Variants in TRPM2 observed in about 807,000 individuals in gnomAD.
TRPM2 encodes estrogen-responsive element-associated gene 1 protein.
A neutral mutation model predicts 174.0 loss-of-function variants in TRPM2; 161 were observed. That is an observed-to-expected ratio of 0.93 (90% CI 0.81 to 1.05). TRPM2 has a LOEUF of 1.05. Ranked by LOEUF, TRPM2 falls within the 50% of genes least tolerant of loss-of-function variation. TRPM2 has a pLI of 0.00. For missense variants in TRPM2, 2,057 were observed against 2,038.0 expected, an observed-to-expected ratio of 1.01 and a Z score of -0.18; for synonymous variants, 954 against 861.3, an observed-to-expected ratio of 1.11 and a Z score of -1.88.
intron 27 of TRPM2, among the ~76,000 whole-genome samples, chr21:44,431,856 C>T (rs1330673443): frequency 2.6e-5 from 4 of 152,156 alleles, no homozygotes; most frequent in Non-Finnish European, 5.9e-5. Flanking sequence ...ATTGGCAACA[C>T]GCTGATTCTT....
chr21:44,368,577 G>A (rs1372061718), intron 4 of TRPM2, among the ~76,000 whole-genome samples: 1 of 151,926 alleles, frequency 6.6e-6, no homozygotes, highest in Non-Finnish European at 1.5e-5. Flanking sequence ...GACTGCAGGC[G>A]TGTGCTACCA....
intron 27 of TRPM2, among the ~76,000 whole-genome samples, chr21:44,434,674 G>A (rs1345077514): frequency 6.6e-6 from 1 of 152,066 alleles, no homozygotes; most frequent in Non-Finnish European, 1.5e-5. Context: ...GGTCTGTGTG[G>A]CCTATCATCT....
intron 2 of TRPM2, among the ~76,000 whole-genome samples, chr21:44,359,105 G>T (rs927693689): frequency 2.6e-5 from 4 of 152,082 alleles, no homozygotes; most frequent in Non-Finnish European, 4.4e-5. Flanking sequence ...ACAGTGTGCT[G>T]ATTGGTCCAT....
At chr21:44,434,165 G>C (rs1035696130) in intron 27 of TRPM2, among the ~76,000 whole-genome samples, 1 of 152,196 alleles carries the variant, frequency 6.6e-6, no homozygotes, top group African/African-American at 2.4e-5. Context: ...GCTCTGATGG[G>C]GTCTGGAGGT....
intron 2 of TRPM2, among the ~76,000 whole-genome samples, chr21:44,363,040 G>A (rs2048262816): frequency 6.6e-6 from 1 of 152,210 alleles, no homozygotes; most frequent in Admixed American, 6.5e-5. Context: ...CCAAAGGGCT[G>A]GGATTATAGG....
At chr21:44,427,167 G>T (rs1355819009) in intron 27 of TRPM2, 56 bp downstream of exon 27, 7 of 1,427,318 alleles carry the variant, frequency 4.9e-6, no homozygotes, top group Non-Finnish European at 6.6e-6. Context: ...TGCCTGGGGG[G>T]CAGGTTTCCT....
At chr21:44,382,902 C>T in intron 9 of TRPM2, 82 bp downstream of exon 9, 1 of 1,348,318 alleles carries the variant, frequency 7.4e-7, no homozygotes, top group Non-Finnish European at 1.0e-6. Flanking sequence ...TCTTGAAGTG[C>T]CATGATTCTG....
At chr21:44,415,866 G>A (rs944658041) in intron 20 of TRPM2, 2 of 151,978 alleles carry the variant, frequency 1.3e-5, no homozygotes, top group Admixed American at 6.6e-5. Context: ...CAGGCTTTGG[G>A]GGTTCTGTTT....
At chr21:44,428,603 C>G (rs1278985849) in intron 27 of TRPM2, among the ~76,000 whole-genome samples, 2 of 142,590 alleles carry the variant, frequency 1.4e-5, no homozygotes, top group African/African-American at 5.4e-5. Context: ...AGGTGTGGCT[C>G]CTCCCCTTAG....
upstream of TRPM2, among the ~76,000 whole-genome samples, chr21:44,352,819 A>AT (rs2047949104): frequency 6.6e-6 from 1 of 152,182 alleles, no homozygotes; most frequent in African/African-American, 2.4e-5. Context: ...CATTTGAATT[A>AT]TTGTCTTTTT....
chr21:44,364,257 C>A lies in TRPM2; in HGVS notation c.398C>A (p.Thr133Lys). Residue 133 changes from threonine (T) to lysine (K), a missense_variant, in exon 3 of 32, where the codon ACG becomes AAG. Thr to Lys is a moderately conservative substitution (Grantham distance 78). Coordinates refer to ENST00000397928, the MANE Select transcript of TRPM2 (RefSeq NM_003307.4). The part of the protein sequence containing the change: ...PTDAFGDIVF[T>K]GLSQKVKKYV... ...GATGCCTTTGGCGACATCGTCTTCA[C>A]GGGCCTGAGCCAGAAGGTGAAAAAG... 1.2e-6 allele frequency: 2 copies of A among 1,614,208 alleles called. No individual in the cohort carries two copies. Among genetic ancestry groups the A allele is most frequent in the African/African-American group, 2.7e-5 (2 of 75,064 alleles).
intron 17 of TRPM2, 128 bp from the exon 18 acceptor site, chr21:44,405,777 G>T: frequency 8.7e-7 from 1 of 1,149,198 alleles, no homozygotes; most frequent in Non-Finnish European, 1.2e-6. Context: ...CTGGGATGCA[G>T]GGCCCACCAG....
At position 44,395,461 on chromosome 21, in the gene TRPM2, T is replaced by C. The variant is rs1423015977; in HGVS notation, c.1842T>C (p.His614=). 2 of 1,612,960 alleles carry C rather than the reference T, an allele frequency of 1.2e-6. No individual in the cohort carries two copies. The highest frequency in any genetic ancestry group is 1.7e-5 in the Admixed American group (1 of 60,006). The part of the protein sequence containing the change: ...LRSLYKRSSG[H]VTFTMDPIRD... ...CCCTCTACAAGCGTTCCTCAGGCCA[T>C]GTGACCTTCACCATGGACCCCATCC... Residue 614 remains histidine, a synonymous_variant, in exon 12 of 32, where the codon CAT becomes CAC. Transcript: ENST00000397928.
rs533176981 is a variant in TRPM2, at chr21:44,364,350, G to A, written c.423+68G>A. ...CATGGCCCCACAGTGACACGCGGTGGTCGGCATTTCCTGGGGCAAGAGCAG... is the reference window on the plus strand; with the variant it reads ...CATGGCCCCACAGTGACACGCGGTGATCGGCATTTCCTGGGGCAAGAGCAG... On this transcript the variant is annotated intron_variant, in intron 3 of 31. Coordinates refer to ENST00000397928, the MANE Select transcript of TRPM2 (RefSeq NM_003307.4). 1.7e-5 allele frequency: 27 copies of A among 1,568,508 alleles called. No individual in the cohort carries two copies. The East Asian group carries it at 4.9e-4, about 29-fold the overall frequency.
At position 44,399,181 on chromosome 21, in the gene TRPM2, T is replaced by C. The variant is rs992941005; in HGVS notation, c.2063-115T>C. The C allele has an allele frequency of 4.3e-6, 6 of 1,384,802 alleles. No homozygotes were observed. Among genetic ancestry groups the C allele is most frequent in the Non-Finnish European group, 5.8e-6 (6 of 1,033,180 alleles). 85.8% of individuals were successfully genotyped at this position (1,384,802 alleles called of 1,614,324 possible). A position where few individuals can be genotyped will look rare whatever the true frequency, so the allele number is the denominator to read the frequency against. ...TGAGACACCAGCCCCACATTTGCCC[T>C]GTGCCCTTCCCTGTGTCCTGGTGGT... On this transcript the variant is annotated intron_variant, in intron 13 of 31. Coordinates refer to ENST00000397928, the MANE Select transcript of TRPM2 (RefSeq NM_003307.4). This position sits in a 1 kb window ranked among gnomAD's most constrained non-coding sequence, Gnocchi z 4.6.
intron 11 of TRPM2, among the ~76,000 whole-genome samples, chr21:44,392,677 C>G (rs971026264): frequency 4.6e-5 from 7 of 152,092 alleles, no homozygotes; most frequent in African/African-American, 1.7e-4. Context: ...GCTATAGTCA[C>G]ACTGGGGGTT....
Position 44,382,767 on chromosome 21 carries a change from G to A in TRPM2, c.1265G>A (p.Gly422Asp), listed in dbSNP as rs1348989817. The A allele has an allele frequency of 1.2e-6, 2 of 1,614,088 alleles. No individual in the cohort carries two copies. The highest frequency in any genetic ancestry group is 8.5e-7 in the Non-Finnish European group (1 of 1,180,018). The stretch of plus-strand genomic sequence containing the variant: ...CAGCTGCTGACTGTCTTCCGGGAAG[G>A]CAAGGATGGTCAGCAGGACGTGGAT... ...RRQLLTVFREGKDGQQDVDVA... is the reference protein window; with the variant it reads ...RRQLLTVFREDKDGQQDVDVA... The change falls in exon 9 of 32, where the codon GGC becomes GAC. Residue 422 changes from glycine (G) to aspartate (D), a missense_variant. By Grantham distance (94) the Gly-to-Asp change is moderately conservative (BLOSUM62 -1). Coordinates refer to ENST00000397928, the MANE Select transcript of TRPM2 (RefSeq NM_003307.4).
intron 15 of TRPM2, among the ~76,000 whole-genome samples, chr21:44,400,740 G>A (rs566679202): frequency 2.7e-4 from 27 of 99,250 alleles, no homozygotes; most frequent in African/African-American, 7.2e-4. Context: ...AGCGAGCTGC[G>A]GCTGAGTGCC....
At chr21:44,400,530 G>A (rs1179036547) in intron 15 of TRPM2, among the ~76,000 whole-genome samples, 159 bp downstream of exon 15, 1 of 152,220 alleles carries the variant, frequency 6.6e-6, no homozygotes, top group African/African-American at 2.4e-5. Context: ...GGGGTGGGAA[G>A]CAGAGCAGGG....
Sources: allele counts gnomAD v4.1 joint callset (sites outside exome capture counted in the v4.1 genomes callset), GRCh38; gene constraint gnomAD v4.1.1; non-coding constraint Gnocchi (gnomAD v3.1); transcripts MANE v1.5; gene names NCBI Gene and HGNC (gene_info 2026-07-23, HGNC 2026-07-21).